The following SOX6 variants were observed in gnomAD, a reference collection of about 807,000 sequenced individuals.
SOX6 encodes the protein SRY-box transcription factor 6.
Under a neutral mutation model 97.8 loss-of-function variants are expected in SOX6, and 11 were observed. The observed-to-expected ratio is 0.11, with a 90% CI of 0.07 to 0.19. SOX6 has a LOEUF of 0.19. Among genes scored for constraint, SOX6 ranks in the 10% least tolerant of loss-of-function variants. SOX6 has a pLI of 1.00. For missense variants in SOX6, 810 were observed against 1,039.5 expected, an observed-to-expected ratio of 0.78 and a Z score of 3.04; for synonymous variants, 360 against 371.4, an observed-to-expected ratio of 0.97 and a Z score of 0.35.
rs181588262 is a variant in SOX6 at position 16,617,140 on chromosome 11, C to A, written n.430-4880G>T. On this transcript the variant is annotated intron_variant and non_coding_transcript_variant, in intron 3 of 5. Transcript: ENST00000524520. ...TGGATGTTTGCTATTATATAAATAG[C>A]TCATTGGGTTTTGTTGAATTTTTAC... is the stretch of plus-strand genomic sequence containing the variant. Among the ~76,000 whole-genome samples the A allele has an allele frequency of 6.6e-4, 100 of 151,908 alleles. No individual in the cohort carries two copies. The East Asian group carries it at 0.011, about 17-fold the overall frequency.
chr11:16,171,885 C>T (rs1042181440), intron 6 of SOX6, among the ~76,000 whole-genome samples: 17 of 151,666 alleles, frequency 1.1e-4, no homozygotes, highest in African/African-American at 3.9e-4. Context: ...TTAAATCCTG[C>T]GACCCAATAA....
intron 1 of SOX6, among the ~76,000 whole-genome samples, chr11:16,364,851 G>C (rs1247832817): frequency 6.6e-6 from 1 of 152,094 alleles, no homozygotes; most frequent in Non-Finnish European, 1.5e-5. Flanking sequence ...TATGAATTCA[G>C]ATCCCACGAT....
At chr11:16,408,700 C>G (rs1858734544) in intron 1 of SOX6, 1 of 151,994 alleles carries the variant, frequency 6.6e-6, no homozygotes, top group Non-Finnish European at 1.5e-5. Flanking sequence ...ACACCTACCT[C>G]CGCAGATTTT....
At chr11:16,612,901 T>TC (rs1353510222) in intron 3 of SOX6, among the ~76,000 whole-genome samples, 1 of 152,062 alleles carries the variant, frequency 6.6e-6, no homozygotes, top group African/African-American at 2.4e-5. Context: ...CGCCATGCCA[T>TC]CCCCACGCAC....
intron 13 of SOX6, among the ~76,000 whole-genome samples, chr11:15,992,509 T>C (rs1467835627): frequency 6.6e-6 from 1 of 152,210 alleles, no homozygotes; most frequent in African/African-American, 2.4e-5. Flanking sequence ...CTTATGACTA[T>C]GCAAATTATG....
In SOX6 at chr11:16,132,429, GAAAGAAAGAAAGAAA is replaced by G. The variant is rs1564972532; in HGVS notation, c.778-20521_778-20507del. 4.1e-3 allele frequency among the ~76,000 whole-genome samples: 370 copies of G among 89,384 alleles called. 17 individuals are homozygous for G. Among genetic ancestry groups the G allele is most frequent in the East Asian group, 0.024 (43 of 1,790 alleles). 58.6% of individuals were successfully genotyped at this position (89,384 alleles called of 152,430 possible). A position where few individuals can be genotyped will look rare whatever the true frequency, so the allele number is the denominator to read the frequency against. ...AGAAAGAAAGAAAGAAAGAAAGAAA[GAAAGAAAGAAAGAAA>G]AAAGAAAGAAAGAAAGAAAGAAAGA... is the stretch of plus-strand genomic sequence containing the variant. On this transcript the variant is annotated intron_variant, in intron 6 of 15. Coordinates refer to ENST00000683767, the MANE Select transcript of SOX6 (RefSeq NM_001367873.1).
At chr11:16,659,983 T>C (rs1339551288) in intron 3 of SOX6, among the ~76,000 whole-genome samples, 1 of 152,144 alleles carries the variant, frequency 6.6e-6, no homozygotes, top group African/African-American at 2.4e-5. Flanking sequence ...ACTTTCATTT[T>C]TTTATGTTAG....
chr11:16,585,317 A>ACACC (rs1176455121), intron 4 of SOX6, among the ~76,000 whole-genome samples: 2 of 152,188 alleles, frequency 1.3e-5, no homozygotes, highest in African/African-American at 4.8e-5. Flanking sequence ...TGCTTATATG[A>ACACC]CACCTATTCT....
chr11:16,513,323 CAG>C (rs10565320), intron 4 of SOX6, among the ~76,000 whole-genome samples: 7,079 of 152,196 alleles, frequency 0.047, 517 homozygotes, highest in African/African-American at 0.15. Context: ...GAGAGGGACA[CAG>C]GGGATAAAGT....
intron 15 of SOX6, among the ~76,000 whole-genome samples, chr11:15,980,743 C>T (rs1853630200): frequency 6.6e-6 from 1 of 152,070 alleles, no homozygotes; most frequent in South Asian, 2.1e-4. Flanking sequence ...GTCCCTTCCT[C>T]AAGAATGTCC....
chr11:16,732,508 T>C (rs1200920587), intron 2 of SOX6, among the ~76,000 whole-genome samples: 1 of 152,202 alleles, frequency 6.6e-6, no homozygotes, highest in Non-Finnish European at 1.5e-5. Context: ...ATTTACTAAA[T>C]GGCTTTGGGA....
chr11:16,169,999 C>T (rs1850989112), intron 6 of SOX6, among the ~76,000 whole-genome samples: 1 of 151,920 alleles, frequency 6.6e-6, no homozygotes, highest in Non-Finnish European at 1.5e-5. Flanking sequence ...GCTAAGCCAT[C>T]GTGAGTAATT....
In SOX6 at chr11:16,186,868, G is replaced by A. The variant is rs1306342622; in HGVS notation, c.623C>T (p.Ala208Val). ...LISLREQLLA[A>V]HDEQKKLAAS... ...TGCCAGTTTTTTCTGTTCATCATGCGCTGCCAGTAGCTGCTCCCGTAAACT... is the reference window on the plus strand; with the variant it reads ...TGCCAGTTTTTTCTGTTCATCATGCACTGCCAGTAGCTGCTCCCGTAAACT... Residue 208 changes from alanine to valine, a missense_variant, in exon 5 of 16, where the codon GCG becomes GTG. Physicochemically the swap from Ala to Val is moderately conservative, Grantham distance 64. Transcript: ENST00000683767. 1 of 1,613,740 alleles carries A rather than the reference G, an allele frequency of 6.2e-7. No homozygotes were observed.
intron 2 of SOX6, among the ~76,000 whole-genome samples, chr11:16,733,417 G>A (rs989043926): frequency 1.3e-5 from 2 of 152,074 alleles, no homozygotes; most frequent in African/African-American, 4.8e-5. Flanking sequence ...ATGAGTTCAG[G>A]TCCTTTGCAG....
chr11:16,514,469 C>T (rs1184129690), intron 4 of SOX6, among the ~76,000 whole-genome samples: 3 of 151,900 alleles, frequency 2.0e-5, no homozygotes, highest in Non-Finnish European at 2.9e-5. Context: ...TCTGAAATGT[C>T]ACTAATATTA....
intron 3 of SOX6, 56 bp downstream of exon 3, chr11:16,318,390 G>A: frequency 6.7e-7 from 1 of 1,503,548 alleles, no homozygotes. Flanking sequence ...TTTTTTTTAA[G>A]GCCTGGAATC....
intron 3 of SOX6, among the ~76,000 whole-genome samples, chr11:16,289,884 G>A (rs1238142249): frequency 6.6e-6 from 1 of 151,984 alleles, no homozygotes; most frequent in Non-Finnish European, 1.5e-5. Context: ...AAAATACAGT[G>A]ATGAAAATGG....
intron 2 of SOX6, among the ~76,000 whole-genome samples, chr11:16,733,724 A>T (rs1287931897): frequency 3.2e-3 from 37 of 11,492 alleles, no homozygotes; most frequent in Non-Finnish European, 9.9e-3. Context: ...CTTAAAGTAT[A>T]AAAAAAAAAA....
chr11:16,517,306 A>G (rs997713582), intron 4 of SOX6, among the ~76,000 whole-genome samples: 36 of 151,244 alleles, frequency 2.4e-4, no homozygotes, highest in Middle Eastern at 3.4e-3. Context: ...CCTATTCAAC[A>G]TAGTGTTGGA....
Sources: gnomAD v4.1 joint callset for allele counts (sites outside exome capture counted in the v4.1 genomes callset) on GRCh38, gnomAD v4.1.1 for gene constraint, MANE v1.5 for transcripts, NCBI Gene and HGNC (gene_info 2026-07-23, HGNC 2026-07-21) for gene names.